DENND11: variants seen among roughly 807,000 people sequenced by gnomAD.
DENND11 encodes DENN domain-containing protein 11.
Under a neutral mutation model 49.2 loss-of-function variants are expected in DENND11, and 34 were observed. The ratio of observed to expected loss-of-function variants is 0.69; its 90% confidence interval spans 0.53 to 0.92. DENND11 has a LOEUF of 0.92. Ranked by LOEUF, DENND11 falls within the 40% of genes least tolerant of loss-of-function variation. The pLI, the probability that DENND11 is intolerant of heterozygous loss-of-function variation, is 0.00. For synonymous variants in DENND11, 238 were observed against 230.3 expected, an observed-to-expected ratio of 1.03 and a Z score of -0.30; for missense variants, 475 against 581.6, an observed-to-expected ratio of 0.82 and a Z score of 1.88.
rs201362256 is a variant in DENND11 at position 141,664,923 on chromosome 7, G to A, written c.1084C>T (p.Arg362Cys). The change falls in exon 7 of 9, where the codon CGC (arginine) becomes TGC (cysteine). Residue 362 changes from arginine to cysteine, a missense_variant. Transcript: ENST00000536163. ...CACTACCTCTGCTCGTTGAGCCGGC[G>A]GTACTTCTCCCTGTCAGCACTGTTG... ...KINSADREKY[R>C]RLNEQRQMLL... 27 of 1,612,502 alleles carry A rather than the reference G, an allele frequency of 1.7e-5. No individual in the cohort carries two copies. The highest frequency in any genetic ancestry group is 1.6e-4 in the Middle Eastern group (1 of 6,082).
intron 1 of DENND11, among the ~76,000 whole-genome samples, chr7:141,701,391 G>T (rs1476381421): frequency 7.2e-6 from 1 of 138,828 alleles, no homozygotes; most frequent in African/African-American, 2.7e-5. Context: ...GGGGTGGGGG[G>T]CGAGCGGGGA....
rs745866716 is a variant in DENND11, at chr7:141,686,514, GT to G, written c.368+44del. The G allele has an allele frequency of 4.8e-6, 6 of 1,250,794 alleles. No homozygotes were observed. The African/African-American group carries it at 8.8e-5, about 18-fold the overall frequency. 77.5% of individuals were successfully genotyped at this position (1,250,794 alleles called of 1,614,324 possible). A position where few individuals can be genotyped will look rare whatever the true frequency, so the allele number is the denominator to read the frequency against. On this transcript the variant is annotated intron_variant, in intron 2 of 8. Transcript: ENST00000536163. ...CTTCAGCTTTGGGGAAAGTGTGGAG[GT>G]GGGGGGAATGGTACGAAGATGACTC...
rs776424777 is a variant in DENND11, at chr7:141,665,011, G to A, written c.996C>T (p.Asp332=). The part of the protein sequence containing the change: ...KIFEEKRELY[D]VYVDNQNVKT... ...TCACATTCTGGTTATCCACGTAGAC[G>A]TCATACAGCTCCCGCTTCTCCTCGA... is the stretch of plus-strand genomic sequence containing the variant. The change falls in exon 7 of 9, where the codon GAC becomes GAT. Residue 332 remains aspartate (D), a synonymous_variant. Coordinates refer to ENST00000536163, the MANE Select transcript of DENND11 (RefSeq NM_001080392.2). 5.4e-5 allele frequency: 87 copies of A among 1,613,812 alleles called. No individual in the cohort carries two copies. The highest frequency in any genetic ancestry group is 6.1e-5 in the Non-Finnish European group (72 of 1,179,882).
intron 1 of DENND11, among the ~76,000 whole-genome samples, chr7:141,699,325 A>C (rs1453969894): frequency 6.6e-6 from 1 of 151,918 alleles, no homozygotes; most frequent in African/African-American, 2.4e-5. Context: ...TACATCAGGC[A>C]CTCTCTGAGG....
chr7:141,671,858 G>T (rs1797986760), intron 4 of DENND11, among the ~76,000 whole-genome samples: 1 of 152,194 alleles, frequency 6.6e-6, no homozygotes. Context: ...CTTAATGATT[G>T]TCTCTCAGCC....
chr7:141,675,218 C>T (rs1423362309), intron 3 of DENND11, among the ~76,000 whole-genome samples: 1 of 152,128 alleles, frequency 6.6e-6, no homozygotes, highest in Non-Finnish European at 1.5e-5. Flanking sequence ...GATGCATCTA[C>T]AAGCCAAGGA....
intron 1 of DENND11, among the ~76,000 whole-genome samples, chr7:141,693,339 T>C (rs746961254): frequency 1.3e-5 from 2 of 152,204 alleles, no homozygotes; most frequent in Non-Finnish European, 2.9e-5. Context: ...ATGGCTAACA[T>C]TCAAAACACC....
intron 3 of DENND11, among the ~76,000 whole-genome samples, chr7:141,678,583 T>C (rs78778417): frequency 1.3e-5 from 2 of 152,334 alleles, no homozygotes. Flanking sequence ...GTTATATCTA[T>C]ACCCTATACC....
chr7:141,688,913 G>C (rs928083663), intron 1 of DENND11, among the ~76,000 whole-genome samples: 1 of 152,128 alleles, frequency 6.6e-6, no homozygotes, highest in African/African-American at 2.4e-5. Flanking sequence ...CAGAGGAAAG[G>C]GACTGTCTGG....
At chr7:141,699,261 C>A (rs1443589575) in intron 1 of DENND11, among the ~76,000 whole-genome samples, 1 of 152,062 alleles carries the variant, frequency 6.6e-6, no homozygotes, top group African/African-American at 2.4e-5. Flanking sequence ...CAGTGATGGT[C>A]CAGCTCACTG....
In DENND11 at chr7:141,665,338, G is replaced by A. The variant is rs1394150618; in HGVS notation, c.821-20C>T. ...AGTACACTGTGGGGATAGAGGAGGT[G>A]AGCGGGGAGGGTCTGCCCCTCCACA... is the stretch of plus-strand genomic sequence containing the variant. On this transcript the variant is annotated intron_variant, in intron 5 of 8. Coordinates refer to ENST00000536163, the MANE Select transcript of DENND11 (RefSeq NM_001080392.2). 3.1e-6 allele frequency: 5 copies of A among 1,613,482 alleles called. No individual in the cohort carries two copies. The highest frequency in any genetic ancestry group is 3.4e-6 in the Non-Finnish European group (4 of 1,179,762).
At chr7:141,677,290 G>A (rs992013215) in intron 3 of DENND11, among the ~76,000 whole-genome samples, 17 of 151,298 alleles carry the variant, frequency 1.1e-4, no homozygotes, top group African/African-American at 4.1e-4. Context: ...GGGAGGCTGA[G>A]GCACGAGAAT....
intron 5 of DENND11, 64 bp from the exon 6 acceptor site, chr7:141,665,382 C>G (rs1562995072): frequency 1.3e-6 from 2 of 1,595,358 alleles, no homozygotes; most frequent in Admixed American, 1.7e-5. Flanking sequence ...TCCCTCGGAG[C>G]CTGCGGCTCA....
intron 1 of DENND11, among the ~76,000 whole-genome samples, chr7:141,692,503 G>A (rs1421246429): frequency 1.3e-5 from 2 of 152,070 alleles, no homozygotes; most frequent in African/African-American, 4.8e-5. Context: ...CTTTGCCAAA[G>A]GAACAAAGGC....
intron 4 of DENND11, among the ~76,000 whole-genome samples, chr7:141,670,710 T>A (rs968016646): frequency 6.6e-6 from 1 of 152,228 alleles, no homozygotes; most frequent in Non-Finnish European, 1.5e-5. Flanking sequence ...CGAAAAATCA[T>A]ACATTAAGTG....
rs1300054646 is a variant in DENND11 at position 141,660,975 on chromosome 7, C to T, written c.*1681G>A. 2 of 152,334 alleles carry T rather than the reference C, an allele frequency of 1.3e-5. No individual in the cohort carries two copies. Among genetic ancestry groups the T allele is most frequent in the Non-Finnish European group, 2.9e-5 (2 of 68,024 alleles). 9.4% of individuals were successfully genotyped at this position (152,334 alleles called of 1,614,324 possible). ...TTATATATTTACATAAAGATGCTAC[C>T]TTGATTAATCAATGTCTATTTGCAT... is the stretch of plus-strand genomic sequence containing the variant. On this transcript the variant is annotated 3_prime_UTR_variant, in exon 9 of 9. Transcript: ENST00000536163.
chr7:141,684,729 G>C (rs551751859), intron 3 of DENND11, among the ~76,000 whole-genome samples: 4 of 151,782 alleles, frequency 2.6e-5, no homozygotes, highest in African/African-American at 7.3e-5. Context: ...TATTTTAAAC[G>C]TACACACATA....
In DENND11 at chr7:141,685,534, G is replaced by C; in HGVS notation, c.471C>G (p.Leu157=). Residue 157 remains leucine (L), a synonymous_variant, in exon 3 of 9, where the codon CTC becomes CTG. Coordinates refer to ENST00000536163, the MANE Select transcript of DENND11 (RefSeq NM_001080392.2). ...RGARMKSVGI[L]SPSYTLLYRY... ...GGTAAAGCAGTGTGTAGGAGGGAGA[G>C]AGGATGCCCACAGACTTCATCCGCG... is the stretch of plus-strand genomic sequence containing the variant. 1 of 1,614,006 alleles carries C rather than the reference G, an allele frequency of 6.2e-7. No homozygotes were observed.
At chr7:141,666,529 CCAAA>C (rs1008590189) in intron 4 of DENND11, 104 bp from the exon 5 acceptor site, 4 of 1,118,436 alleles carry the variant, frequency 3.6e-6, no homozygotes, top group Admixed American at 5.8e-5. Flanking sequence ...TAAAGTCCAT[CCAAA>C]CAGATACATT....
Sources: gnomAD v4.1 joint callset for allele counts (sites outside exome capture counted in the v4.1 genomes callset) on GRCh38, gnomAD v4.1.1 for gene constraint, MANE v1.5 for transcripts, NCBI Gene and HGNC (gene_info 2026-07-23, HGNC 2026-07-21) for gene names.